The following CDH18 variants were observed in gnomAD, a reference collection of about 807,000 sequenced individuals.
CDH18 encodes the protein cadherin 18.
CDH18 carries 31 observed loss-of-function variants against 67.9 expected under a neutral mutation model. That is an observed-to-expected ratio of 0.46 (90% confidence interval 0.34 to 0.62). The LOEUF (loss-of-function observed/expected upper bound fraction) is 0.62, where lower values mean the gene tolerates loss of function less well. CDH18 is among the 20% of genes least tolerant of loss of function. CDH18 has a pLI of 0.01. For synonymous variants in CDH18, 362 were observed against 347.2 expected, an observed-to-expected ratio of 1.04 and a Z score of -0.48; for missense variants, 890 against 975.5, an observed-to-expected ratio of 0.91 and a Z score of 1.17.
chr5:19,657,892 G>C (rs140109545), intron 5 of CDH18, among the ~76,000 whole-genome samples: 14 of 152,194 alleles, frequency 9.2e-5, no homozygotes, highest in African/African-American at 3.4e-4. Context: ...TTTAGGAACT[G>C]TGTGCCAGCG....
intron 1 of CDH18, among the ~76,000 whole-genome samples, chr5:20,350,037 T>C (rs761512144): frequency 1.3e-5 from 2 of 152,136 alleles, no homozygotes; most frequent in African/African-American, 2.4e-5. Flanking sequence ...AAAGCCTGGC[T>C]CAAAAAATAT....
intron 1 of CDH18, among the ~76,000 whole-genome samples, chr5:20,381,661 A>T (rs1743918686): frequency 6.6e-6 from 1 of 152,206 alleles, no homozygotes; most frequent in African/African-American, 2.4e-5. Context: ...ATAAAATCTC[A>T]AATAAATAAG....
chr5:19,511,884 G>C lies in CDH18; in HGVS notation c.1512+8773C>G, dbSNP rs182896518. On this transcript the variant is annotated intron_variant, in intron 10 of 12. Coordinates refer to ENST00000382275, the MANE Select transcript of CDH18 (RefSeq NM_004934.5). ...GAGAAATTCAAGTTGTGTAAGTATCGAGGAGCCAAATGTTAATCACCAAGA... is the reference window on the plus strand; with the variant it reads ...GAGAAATTCAAGTTGTGTAAGTATCCAGGAGCCAAATGTTAATCACCAAGA... Among the ~76,000 whole-genome samples, 55 of 152,218 alleles carry C rather than the reference G, an allele frequency of 3.6e-4. 1 individual carries two copies. Among genetic ancestry groups the C allele is most frequent in the Non-Finnish European group, 7.2e-4 (49 of 68,006 alleles).
chr5:20,399,854 G>A (rs780515031), intron 1 of CDH18, among the ~76,000 whole-genome samples: 4 of 152,102 alleles, frequency 2.6e-5, no homozygotes, highest in Non-Finnish European at 4.4e-5. Context: ...GAAATATCAA[G>A]TAACAAGCAA....
At chr5:19,955,222 ATC>A (rs1022647836) in intron 2 of CDH18, among the ~76,000 whole-genome samples, 4 of 152,054 alleles carry the variant, frequency 2.6e-5, no homozygotes, top group African/African-American at 4.8e-5. Context: ...AGTTAATTAA[ATC>A]TCTTTCCTTC....
chr5:20,036,563 C>T (rs142790267), intron 2 of CDH18, among the ~76,000 whole-genome samples: 12 of 151,974 alleles, frequency 7.9e-5, no homozygotes, highest in Admixed American at 2.0e-4. Context: ...ACACAAGCAA[C>T]GTTATGCTTA....
chr5:20,338,282 A>G (rs1210535142), intron 1 of CDH18, among the ~76,000 whole-genome samples: 2 of 152,242 alleles, frequency 1.3e-5, no homozygotes, highest in Admixed American at 1.3e-4. Context: ...GACACATTGT[A>G]GAGACAGCCT....
intron 2 of CDH18, among the ~76,000 whole-genome samples, chr5:19,901,007 G>A (rs937953745): frequency 1.3e-5 from 2 of 152,210 alleles, no homozygotes; most frequent in East Asian, 1.9e-4. Context: ...TGTGCCCTGC[G>A]AAATCTATTT....
chr5:19,669,742 G>T (rs942636227), intron 5 of CDH18, among the ~76,000 whole-genome samples: 2 of 152,098 alleles, frequency 1.3e-5, no homozygotes, highest in African/African-American at 4.8e-5. Context: ...GAAGGGCAAG[G>T]AAATACCCAG....
chr5:19,544,481 T>G (rs763386762), intron 8 of CDH18, among the ~76,000 whole-genome samples: 3 of 152,156 alleles, frequency 2.0e-5, no homozygotes, highest in Non-Finnish European at 2.9e-5. Flanking sequence ...ACATTTATAT[T>G]TATTAACATT....
chr5:19,691,236 GA>G (rs983975405), intron 5 of CDH18, among the ~76,000 whole-genome samples: 4 of 151,544 alleles, frequency 2.6e-5, no homozygotes, highest in African/African-American at 9.7e-5. Context: ...TACAGGTGTA[GA>G]AAAAAACACA....
chr5:20,418,979 C>A (rs866729604), intron 1 of CDH18, among the ~76,000 whole-genome samples: 1 of 151,856 alleles, frequency 6.6e-6, no homozygotes, highest in Non-Finnish European at 1.5e-5. Flanking sequence ...GTTGGTACTG[C>A]GCAAACTAGA....
intron 7 of CDH18, among the ~76,000 whole-genome samples, chr5:19,584,976 C>T (rs1743928653): frequency 7.1e-6 from 1 of 141,182 alleles, no homozygotes; most frequent in Non-Finnish European, 1.5e-5. Context: ...GCCTGGGTGA[C>T]AGAGCAAGAC....
intron 1 of CDH18, among the ~76,000 whole-genome samples, chr5:20,492,175 A>G (rs1215172398): frequency 6.6e-6 from 1 of 151,620 alleles, no homozygotes; most frequent in East Asian, 1.9e-4. Context: ...AAGTAGTAAC[A>G]TTGATTTTTT....
At chr5:19,698,099 T>A (rs1196321474) in intron 5 of CDH18, among the ~76,000 whole-genome samples, 1 of 152,180 alleles carries the variant, frequency 6.6e-6, no homozygotes, top group Non-Finnish European at 1.5e-5. Flanking sequence ...AAATTCAGGT[T>A]CCATTAAATC....
At chr5:20,314,485 A>T (rs1737282750) in intron 1 of CDH18, among the ~76,000 whole-genome samples, 1 of 152,096 alleles carries the variant, frequency 6.6e-6, no homozygotes, top group African/African-American at 2.4e-5. Context: ...ATTTCAATTC[A>T]GTCACATCAG....
chr5:20,473,461 G>A (rs1752227244), intron 1 of CDH18, among the ~76,000 whole-genome samples: 1 of 151,958 alleles, frequency 6.6e-6, no homozygotes, highest in Non-Finnish European at 1.5e-5. Flanking sequence ...ACATTGGAAG[G>A]ATGCGCTATG....
intron 2 of CDH18, among the ~76,000 whole-genome samples, chr5:19,974,520 C>CAAAA (rs70954626): frequency 1.3e-5 from 1 of 78,268 alleles, no homozygotes; most frequent in Admixed American, 1.6e-4. Context: ...TCCTGTCTCC[C>CAAAA]AAAAAAAAAA....
At chr5:19,888,478 C>A (rs773899445) in intron 2 of CDH18, among the ~76,000 whole-genome samples, 13 of 151,724 alleles carry the variant, frequency 8.6e-5, no homozygotes, top group Non-Finnish European at 1.8e-4. Context: ...ACTCACACAC[C>A]ACACATATAT....
Sources: gnomAD v4.1 joint callset for allele counts (sites outside exome capture counted in the v4.1 genomes callset) on GRCh38, gnomAD v4.1.1 for gene constraint, MANE v1.5 for transcripts, NCBI Gene and HGNC (gene_info 2026-07-23, HGNC 2026-07-21) for gene names.